DNAJC1: variants seen among roughly 807,000 people sequenced by gnomAD.
DNAJC1 encodes the protein dnaJ homolog subfamily C member 1.
DNAJC1 carries 58 observed loss-of-function variants against 76.6 expected under a neutral mutation model. That is an observed-to-expected ratio of 0.76 (90% confidence interval 0.61 to 0.94). DNAJC1 has a LOEUF of 0.94. Among genes scored for constraint, DNAJC1 ranks in the 40% least tolerant of loss-of-function variants. DNAJC1 has a pLI of 0.00. For synonymous variants in DNAJC1, 258 were observed against 267.9 expected (o/e 0.96, Z 0.36); for missense variants, 689 against 677.3 (o/e 1.02, Z -0.19).
chr10:21,766,757 G>A (rs1347225401), intron 9 of DNAJC1, among the ~76,000 whole-genome samples: 1 of 152,044 alleles, frequency 6.6e-6, no homozygotes, highest in Non-Finnish European at 1.5e-5. Flanking sequence ...GATCACTTGA[G>A]GTCAGGAGTT....
intron 1 of DNAJC1, among the ~76,000 whole-genome samples, chr10:21,996,618 T>C (rs1405938267): frequency 6.6e-6 from 1 of 152,122 alleles, no homozygotes; most frequent in African/African-American, 2.4e-5. Flanking sequence ...TGTCTATGAA[T>C]AACAAAAGAT....
intron 1 of DNAJC1, among the ~76,000 whole-genome samples, chr10:21,971,398 T>C (rs1837975392): frequency 6.6e-6 from 1 of 151,820 alleles, no homozygotes; most frequent in Non-Finnish European, 1.5e-5. Flanking sequence ...CAAAGAGACA[T>C]ATCTTATTCT....
At chr10:21,944,158 C>T (rs2666772) in intron 1 of DNAJC1, among the ~76,000 whole-genome samples, 117,577 of 150,936 alleles carry the variant, frequency 0.78, 46,589 homozygotes, top group East Asian at 0.99. Flanking sequence ...CCATTGTTTT[C>T]ATCACATAAA....
At chr10:21,838,443 T>C (rs1835510302) in intron 8 of DNAJC1, among the ~76,000 whole-genome samples, 1 of 152,054 alleles carries the variant, frequency 6.6e-6, no homozygotes, top group African/African-American at 2.4e-5. Context: ...TTAAGAGTCA[T>C]CACCACTCCG....
At chr10:21,814,061 G>A (rs1835035413) in intron 8 of DNAJC1, among the ~76,000 whole-genome samples, 1 of 152,198 alleles carries the variant, frequency 6.6e-6, no homozygotes, top group South Asian at 2.1e-4. Flanking sequence ...TTGGTGATGA[G>A]GATGGGATTC....
At chr10:21,882,078 C>T (rs1210718603) in intron 8 of DNAJC1, among the ~76,000 whole-genome samples, 1 of 152,018 alleles carries the variant, frequency 6.6e-6, no homozygotes, top group Non-Finnish European at 1.5e-5. Flanking sequence ...GGCATGAACC[C>T]GGGAAGCAGA....
At chr10:21,794,411 T>C (rs72802961) in intron 9 of DNAJC1, among the ~76,000 whole-genome samples, 1,704 of 152,174 alleles carry the variant, frequency 0.011, 13 homozygotes, top group Non-Finnish European at 0.016. Context: ...AAGCTCTAAA[T>C]GAATGAAAGA....
chr10:21,849,900 A>G (rs527431901), intron 8 of DNAJC1, among the ~76,000 whole-genome samples: 1 of 152,294 alleles, frequency 6.6e-6, no homozygotes, highest in African/African-American at 2.4e-5. Flanking sequence ...GCAGAAAAAC[A>G]TTTGACAAAA....
At chr10:21,888,237 AGAT>A (rs1463794711) in intron 7 of DNAJC1, among the ~76,000 whole-genome samples, 16 of 152,344 alleles carry the variant, frequency 1.1e-4, no homozygotes, top group African/African-American at 3.4e-4. Context: ...AAAAAATAAC[AGAT>A]GATGCCAAGG....
chr10:21,914,695 G>C (rs1564826035), intron 6 of DNAJC1, among the ~76,000 whole-genome samples: 1 of 152,126 alleles, frequency 6.6e-6, no homozygotes, highest in Non-Finnish European at 1.5e-5. Context: ...TTAAAAAAAG[G>C]CTGTTGTATA....
Position 21,906,082 on chromosome 10 carries a change from A to C in DNAJC1, c.730-1470T>G, listed in dbSNP as rs146962914. Among the ~76,000 whole-genome samples the C allele has an allele frequency of 1.6e-3, 240 of 152,256 alleles. 1 individual carries two copies. The highest frequency in any genetic ancestry group is 5.6e-3 in the African/African-American group (231 of 41,552). On this transcript the variant is annotated intron_variant, in intron 6 of 11. Transcript: ENST00000376980. ...GGGTTCTATCAGAACTCTTCCACCT[A>C]ATAAGAATTTGGTATTCCTAAAATC...
intron 7 of DNAJC1, among the ~76,000 whole-genome samples, chr10:21,892,356 A>AACACAT (rs1836474663): frequency 6.8e-6 from 1 of 147,638 alleles, no homozygotes; most frequent in African/African-American, 2.5e-5. Context: ...TTGTCTATTT[A>AACACAT]ACACACACAC....
At chr10:21,896,016 T>G (rs960339429) in intron 7 of DNAJC1, among the ~76,000 whole-genome samples, 1 of 152,186 alleles carries the variant, frequency 6.6e-6, no homozygotes, top group Non-Finnish European at 1.5e-5. Flanking sequence ...ACTCTGCAGG[T>G]GCACAGAGTA....
chr10:21,861,148 G>C (rs1485706978), intron 8 of DNAJC1, among the ~76,000 whole-genome samples: 2 of 152,112 alleles, frequency 1.3e-5, no homozygotes, highest in Admixed American at 6.6e-5. Context: ...ACAAAAGGCA[G>C]GAGGAAGACA....
chr10:21,787,503 C>T (rs957063503), intron 9 of DNAJC1, among the ~76,000 whole-genome samples: 1 of 152,080 alleles, frequency 6.6e-6, no homozygotes, highest in African/African-American at 2.4e-5. Context: ...TCATCCCTTC[C>T]ACAAAGACAG....
chr10:21,812,298 C>T (rs1164250204), intron 8 of DNAJC1, among the ~76,000 whole-genome samples: 3 of 151,878 alleles, frequency 2.0e-5, no homozygotes, highest in Non-Finnish European at 2.9e-5. Flanking sequence ...ACCTCGTGAT[C>T]TGCCTGCCTC....
chr10:21,882,489 T>TG, intron 7 of DNAJC1, 50 bp from the exon 8 acceptor site: 2 of 1,222,244 alleles, frequency 1.6e-6, no homozygotes, highest in Non-Finnish European at 2.2e-6. Flanking sequence ...AAGAATAAAA[T>TG]TAATTTCTAA....
At chr10:21,918,930 T>C (rs902331194) in intron 5 of DNAJC1, 58 bp from the exon 6 acceptor site, 36 of 1,218,910 alleles carry the variant, frequency 3.0e-5, no homozygotes, top group Non-Finnish European at 3.8e-5. Flanking sequence ...ACAGAGAAAG[T>C]TGGGAGGCAA....
chr10:21,889,366 G>A (rs1836423691), intron 7 of DNAJC1, among the ~76,000 whole-genome samples: 1 of 152,042 alleles, frequency 6.6e-6, no homozygotes, highest in African/African-American at 2.4e-5. Flanking sequence ...CAATACTGGT[G>A]ATTATATTTC....
Sources: gnomAD v4.1 joint callset for allele counts (sites outside exome capture counted in the v4.1 genomes callset) on GRCh38, gnomAD v4.1.1 for gene constraint, MANE v1.5 for transcripts, NCBI Gene and HGNC (gene_info 2026-07-23, HGNC 2026-07-21) for gene names.